The following KAZN variants were observed in gnomAD, a reference collection of about 807,000 sequenced individuals.
KAZN encodes kazrin, periplakin interacting protein.
KAZN carries 40 observed loss-of-function variants against 87.4 expected under a neutral mutation model. The ratio of observed to expected loss-of-function variants is 0.46; its 90% CI spans 0.36 to 0.60. KAZN has a LOEUF of 0.60. Ranked by LOEUF, KAZN falls within the 20% of genes least tolerant of loss-of-function variation. The pLI, the probability that KAZN is intolerant of heterozygous loss-of-function variation, is 0.00. For synonymous variants in KAZN, 466 were observed against 458.3 expected (o/e 1.02, Z -0.22); for missense variants, 898 against 1,073.9 (o/e 0.84, Z 2.29).
chr1:14,738,359 G>A lies in KAZN; in HGVS notation c.226+139136G>A, dbSNP rs188732011. Reference sequence around the variant, plus strand: ...GCTTTTGAAGCTGCCTTTGTGCACCGTGGCGCAGATGACACAGCAGTGCCC... The same window carrying A: ...GCTTTTGAAGCTGCCTTTGTGCACCATGGCGCAGATGACACAGCAGTGCCC... On this transcript the variant is annotated intron_variant, in intron 1 of 14. Coordinates refer to ENST00000376030, the MANE Select transcript of KAZN (RefSeq NM_201628.3). Among the ~76,000 whole-genome samples, 61 of 152,200 alleles carry A rather than the reference G, an allele frequency of 4.0e-4. No homozygotes were observed. In the East Asian group the frequency reaches 6.2e-3, roughly 15 times the overall value.
At chr1:14,620,627 A>G (rs1372674956) in intron 1 of KAZN, among the ~76,000 whole-genome samples, 1 of 152,138 alleles carries the variant, frequency 6.6e-6, no homozygotes, top group Admixed American at 6.5e-5. Context: ...TGAAAATACC[A>G]AGAAGTTTGT....
At chr1:14,968,917 C>T (rs1664739359) in intron 2 of KAZN, among the ~76,000 whole-genome samples, 1 of 152,242 alleles carries the variant, frequency 6.6e-6, no homozygotes, top group Non-Finnish European at 1.5e-5. Flanking sequence ...CTACGACACA[C>T]TCAGTGTACC....
intron 1 of KAZN, among the ~76,000 whole-genome samples, chr1:14,724,102 A>C (rs1643261027): frequency 6.6e-6 from 1 of 152,206 alleles, no homozygotes; most frequent in South Asian, 2.1e-4. Context: ...ACAAACAAAG[A>C]AAGCACACAG....
At chr1:14,074,041 G>A (rs1473306844) in intron 1 of KAZN, among the ~76,000 whole-genome samples, 1 of 152,122 alleles carries the variant, frequency 6.6e-6, no homozygotes, top group African/African-American at 2.4e-5. Context: ...CTGCTGCTCT[G>A]TCTCAAACTA....
chr1:14,010,352 G>C (rs181605638), intron 1 of KAZN, among the ~76,000 whole-genome samples: 3 of 152,290 alleles, frequency 2.0e-5, no homozygotes, highest in Admixed American at 2.0e-4. Context: ...AATTTTTCTA[G>C]GAAGAAGGGC....
chr1:14,837,595 C>G (rs980362988), intron 1 of KAZN, among the ~76,000 whole-genome samples: 2 of 149,552 alleles, frequency 1.3e-5, no homozygotes, highest in African/African-American at 5.0e-5. Context: ...CTCTGTCACC[C>G]AGGCTGGAGT....
chr1:14,100,057 C>G (rs1644215266), intron 1 of KAZN, among the ~76,000 whole-genome samples: 1 of 152,110 alleles, frequency 6.6e-6, no homozygotes, highest in Non-Finnish European at 1.5e-5. Flanking sequence ...CATCTGCAGC[C>G]AACACAGTAA....
intron 4 of KAZN, 85 bp downstream of exon 4, chr1:15,044,244 C>A: frequency 7.0e-6 from 3 of 427,102 alleles, no homozygotes; most frequent in African/African-American, 2.3e-5. Context: ...CGACTCACAT[C>A]GGAGACCTAG....
At chr1:14,426,094 T>A (rs1221289819) in intron 2 of KAZN, among the ~76,000 whole-genome samples, 3 of 152,226 alleles carry the variant, frequency 2.0e-5, no homozygotes, top group African/African-American at 7.2e-5. Flanking sequence ...TTTCCTTTCA[T>A]CCTGCCTGAA....
At chr1:14,977,185 GC>G (rs943718583) in intron 2 of KAZN, among the ~76,000 whole-genome samples, 90 of 152,368 alleles carry the variant, frequency 5.9e-4, no homozygotes, top group African/African-American at 2.0e-3. Context: ...TGGGCTGGAG[GC>G]CCTGAGGGTC....
chr1:13,999,376 A>G (rs1639680309), intron 1 of KAZN, among the ~76,000 whole-genome samples: 1 of 149,026 alleles, frequency 6.7e-6, no homozygotes, highest in African/African-American at 2.6e-5. Context: ...ACAAAAAACA[A>G]AAAAACAAAC....
intron 1 of KAZN, among the ~76,000 whole-genome samples, chr1:14,819,043 G>A (rs548928686): frequency 6.6e-6 from 1 of 152,076 alleles, no homozygotes; most frequent in Non-Finnish European, 1.5e-5. Flanking sequence ...CAACAACAGC[G>A]AAACTCTGTC....
chr1:14,641,518 A>G (rs12036991), intron 1 of KAZN, among the ~76,000 whole-genome samples: 27,413 of 152,138 alleles, frequency 0.18, 2,665 homozygotes, highest in South Asian at 0.29. Flanking sequence ...CCACCAGACC[A>G]TGCCTGCGGT....
At chr1:14,814,462 C>T (rs1046554443) in intron 1 of KAZN, among the ~76,000 whole-genome samples, 1 of 152,236 alleles carries the variant, frequency 6.6e-6, no homozygotes, top group Admixed American at 6.5e-5. Context: ...GATCCACCCA[C>T]CTCAGCCTCC....
chr1:14,115,597 A>C (rs1339536446), intron 1 of KAZN, among the ~76,000 whole-genome samples: 2 of 152,202 alleles, frequency 1.3e-5, no homozygotes, highest in Non-Finnish European at 2.9e-5. Flanking sequence ...TCCCAGTCCT[A>C]AGCATGTCTT....
At chr1:14,099,381 TC>T (rs1436871976) in intron 1 of KAZN, among the ~76,000 whole-genome samples, 4 of 152,146 alleles carry the variant, frequency 2.6e-5, no homozygotes, top group Non-Finnish European at 5.9e-5. Context: ...TTCCCCTGGT[TC>T]CCCACTTCCT....
At chr1:13,922,581 C>T (rs1375179034) in intron 1 of KAZN, among the ~76,000 whole-genome samples, 2 of 152,166 alleles carry the variant, frequency 1.3e-5, no homozygotes, top group Admixed American at 1.3e-4. Flanking sequence ...AGAGGTTTTG[C>T]TGCAGTCTGT....
At chr1:14,158,147 T>C (rs1456282011) in intron 1 of KAZN, among the ~76,000 whole-genome samples, 2 of 152,188 alleles carry the variant, frequency 1.3e-5, no homozygotes, top group Non-Finnish European at 2.9e-5. Context: ...TATCTTTCCG[T>C]AGGTTTTGGA....
chr1:14,277,671 A>G (rs1451883913), intron 2 of KAZN, among the ~76,000 whole-genome samples: 3 of 140,026 alleles, frequency 2.1e-5, no homozygotes, highest in South Asian at 4.2e-4. Context: ...TGAAAAAAAA[A>G]AAAAAAGAAA....
Sources: gnomAD v4.1 joint callset for allele counts (sites outside exome capture counted in the v4.1 genomes callset) on GRCh38, gnomAD v4.1.1 for gene constraint, MANE v1.5 for transcripts, NCBI Gene and HGNC (gene_info 2026-07-23, HGNC 2026-07-21) for gene names.